Variants in FAAP20 observed in about 807,000 individuals in gnomAD.
FAAP20 encodes the protein Fanconi anemia core complex-associated protein 20.
Under a neutral mutation model 16.2 loss-of-function variants are expected in FAAP20, and 12 were observed. The ratio of observed to expected loss-of-function variants is 0.74; its 90% CI spans 0.48 to 1.20. The LOEUF is 1.20. Among genes scored for constraint, FAAP20 ranks in the 50% most tolerant of loss-of-function variants. The pLI, the probability that FAAP20 is intolerant of heterozygous loss-of-function variation, is 0.00. For synonymous variants in FAAP20, 141 were observed against 110.7 expected (o/e 1.27, Z -1.72); for missense variants, 288 against 245.8 (o/e 1.17, Z -1.15).
downstream of FAAP20, among the ~76,000 whole-genome samples, chr1:2,187,909 C>T (rs552586986): frequency 6.6e-5 from 10 of 152,142 alleles, no homozygotes; most frequent in African/African-American, 2.2e-4. Context: ...TCCTGTGCTC[C>T]GCCTGTGCCT....
At chr1:2,211,417 ATATATATATATATATATATTT>A (rs1689436054), downstream of FAAP20, among the ~76,000 whole-genome samples, 2 of 15,736 alleles carry the variant, frequency 1.3e-4, no homozygotes, top group South Asian at 6.0e-3. Flanking sequence ...ATATATATAT[ATATATATATATATATATATTT>A]TTTTTTTTTT....
rs1456928825 is a variant in FAAP20 at position 2,189,564 on chromosome 1, A to G, written c.*145T>C. On this transcript the variant is annotated 3_prime_UTR_variant, in exon 4 of 4. Transcript: ENST00000378546. ...CGGCAGACGTTTCATCACAACACAG[A>G]GACAGACAGGAGCCCGCCCTGCTTT... is the stretch of plus-strand genomic sequence containing the variant. 4.3e-6 allele frequency: 3 copies of G among 699,010 alleles called. No homozygotes were observed. The highest frequency in any genetic ancestry group is 3.5e-5 in the African/African-American group (2 of 57,504). The allele number at this position is 699,010 out of a possible 1,614,324, so 43.3% of individuals were successfully genotyped here. A position where few individuals can be genotyped will look rare whatever the true frequency, so the allele number is the denominator to read the frequency against.
chr1:2,189,739 C>T lies in FAAP20; in HGVS notation c.513G>A (p.Leu171=). 6.2e-7 allele frequency: 1 copy of T among 1,613,022 alleles called. No homozygotes were observed. The highest frequency in any genetic ancestry group is 8.5e-7 in the Non-Finnish European group (1 of 1,179,862). The change falls in exon 4 of 4, where the codon TTG becomes TTA. Residue 171 remains leucine, a synonymous_variant. Transcript: ENST00000378546. ...LDVDSHLAQC[L]AESTEDVTW is the part of the protein sequence containing the mutation. ...ACGTCACGTCTTCTGTGCTTTCGGC[C>T]AAGCACTGGGCCAGGTGGCTGTCAA...
upstream of FAAP20, chr1:2,203,372 C>G: frequency 1.0e-6 from 1 of 974,528 alleles, no homozygotes; most frequent in Non-Finnish European, 1.2e-6. Flanking sequence ...GCAGTCAGGG[C>G]CCACCCATGG....
In FAAP20 at chr1:2,189,650, T is replaced by G. The variant is rs1687936190; in HGVS notation, c.*59A>C. On this transcript the variant is annotated 3_prime_UTR_variant, in exon 4 of 4. Coordinates refer to ENST00000378546, the MANE Select transcript of FAAP20 (RefSeq NM_182533.4). ...TGGCGGGGGAGCCGAGAGGCGGGGC[T>G]GCTGGCGGGGGAGAGCGTGTCCGGG... The G allele has an allele frequency of 2.8e-6, 4 of 1,415,366 alleles. No individual in the cohort carries two copies. Among genetic ancestry groups the G allele is most frequent in the Non-Finnish European group, 3.9e-6 (4 of 1,020,570 alleles). 87.7% of individuals were successfully genotyped at this position (1,415,366 alleles called of 1,614,324 possible).
At chr1:2,196,234 G>A (rs779094187), upstream of FAAP20, among the ~76,000 whole-genome samples, 9 of 152,168 alleles carry the variant, frequency 5.9e-5, no homozygotes, top group Non-Finnish European at 1.2e-4. This position sits in a 1 kb window ranked among gnomAD's most constrained non-coding sequence, Gnocchi z 4.5. Flanking sequence ...GAGGGCCTTG[G>A]GTACTTCCAG....
downstream of FAAP20, chr1:2,185,348 AGT>A: frequency 1.4e-6 from 1 of 718,836 alleles, no homozygotes; most frequent in Non-Finnish European, 2.6e-6. Context: ...CCGCCAGGAA[AGT>A]GAGCGTGTAG....
At chr1:2,188,921 C>T (rs540708431), downstream of FAAP20, among the ~76,000 whole-genome samples, 134 of 148,238 alleles carry the variant, frequency 9.0e-4, 1 homozygote, top group Admixed American at 2.0e-3. Context: ...AGGAGAATGG[C>T]GTGAACCCGG....
At chr1:2,187,098 C>T (rs1687680907), downstream of FAAP20, 2 of 451,006 alleles carry the variant, frequency 4.4e-6, no homozygotes, top group South Asian at 3.3e-5. Flanking sequence ...CCTGCGTGGG[C>T]GTGGTGCGGG....
chr1:2,207,908 C>CCGTGTGTG (rs1689320409), downstream of FAAP20, among the ~76,000 whole-genome samples: 1 of 68,684 alleles, frequency 1.5e-5, no homozygotes, highest in Non-Finnish European at 2.8e-5. Context: ...TTGGTAACAC[C>CCGTGTGTG]CGTGTGTGTG....
downstream of FAAP20, chr1:2,184,621 G>C (rs760400823): frequency 6.2e-7 from 1 of 1,614,110 alleles, no homozygotes; most frequent in East Asian, 2.2e-5. Flanking sequence ...TCCAGCCACA[G>C]ATCACAGACG....
chr1:2,194,153 CAGACAGGGGGT>C lies in FAAP20; in HGVS notation c.63-31_63-21del. The C allele has an allele frequency of 6.2e-7, 1 of 1,610,754 alleles. No homozygotes were observed. Among genetic ancestry groups the C allele is most frequent in the Middle Eastern group, 1.7e-4 (1 of 5,860 alleles). On this transcript the variant is annotated intron_variant, in intron 1 of 3. Coordinates refer to ENST00000378546, the MANE Select transcript of FAAP20 (RefSeq NM_182533.4). Reference sequence around the variant, plus strand: ...GAAGGCCTGGGGCAGACAGAGAGGGCAGACAGGGGGTACTCAGTAGCGGAAACGCTATGGTG... The same window carrying C: ...GAAGGCCTGGGGCAGACAGAGAGGGCACTCAGTAGCGGAAACGCTATGGTG...
upstream of FAAP20, chr1:2,203,631 C>G: frequency 1.0e-6 from 1 of 986,106 alleles, no homozygotes; most frequent in Non-Finnish European, 1.2e-6. Context: ...CGTCTGGGGC[C>G]TGAGCGGAGG....
chr1:2,190,704 A>G (rs920683448), intron 3 of FAAP20: 3 of 327,288 alleles, frequency 9.2e-6, no homozygotes, highest in African/African-American at 6.5e-5. Flanking sequence ...GCTGGAGGCC[A>G]AGTGGTCAGT....
At chr1:2,198,260 G>T, upstream of FAAP20, 1 of 1,053,500 alleles carries the variant, frequency 9.5e-7, no homozygotes, top group Non-Finnish European at 1.3e-6. Context: ...TTGCATCCCA[G>T]GCAGAGCAGA....
At chr1:2,185,011 G>A (rs747853131), downstream of FAAP20, 36 of 1,610,638 alleles carry the variant, frequency 2.2e-5, no homozygotes, top group Non-Finnish European at 3.1e-5. Context: ...TCGGTGTGAG[G>A]CCGCGTGCGT....
chr1:2,200,818 C>T, upstream of FAAP20: 2 of 1,023,202 alleles, frequency 2.0e-6, no homozygotes, highest in Non-Finnish European at 2.4e-6. Context: ...GAAGGGGGCC[C>T]TTGGAGGATC....
chr1:2,198,376 A>G (rs140391438), upstream of FAAP20: 13 of 384,556 alleles, frequency 3.4e-5, no homozygotes, highest in East Asian at 1.0e-3. Context: ...AAAAGGACAC[A>G]TTTATGGATG....
At chr1:2,198,186 G>C (rs1435882442), upstream of FAAP20, 11 of 1,258,256 alleles carry the variant, frequency 8.7e-6, no homozygotes, top group Middle Eastern at 4.4e-4. Flanking sequence ...CACGTGCACA[G>C]TGGAAATGAG....
Sources: gnomAD v4.1 joint callset for allele counts (sites outside exome capture counted in the v4.1 genomes callset) on GRCh38, gnomAD v4.1.1 for gene constraint, Gnocchi (gnomAD v3.1) non-coding constraint, MANE v1.5 for transcripts, NCBI Gene and HGNC (gene_info 2026-07-23, HGNC 2026-07-21) for gene names.